HECW1: variants seen among roughly 807,000 people sequenced by gnomAD.
The protein encoded by HECW1 is E3 ubiquitin-protein ligase HECW1.
In HECW1, 61 loss-of-function variants were observed where a neutral mutation model predicts 182.3. That is an observed-to-expected ratio of 0.33 (90% CI 0.27 to 0.41). The LOEUF (loss-of-function observed/expected upper bound fraction) is 0.41, where lower values mean the gene tolerates loss of function less well. Ranked by LOEUF, HECW1 falls within the 10% of genes least tolerant of loss-of-function variation. The pLI is 1.00. For synonymous variants in HECW1, 859 were observed against 832.6 expected, an observed-to-expected ratio of 1.03 and a Z score of -0.55; for missense variants, 1,739 against 2,108.9, an observed-to-expected ratio of 0.82 and a Z score of 3.44.
At chr7:43,147,773 G>A (rs1332698908) in intron 2 of HECW1, among the ~76,000 whole-genome samples, 6 of 152,134 alleles carry the variant, frequency 3.9e-5, no homozygotes, top group Non-Finnish European at 7.3e-5. Context: ...CGAAGGGACT[G>A]GCCATTGGCC....
At chr7:43,344,229 G>A (rs1430337492) in intron 5 of HECW1, among the ~76,000 whole-genome samples, 1 of 151,770 alleles carries the variant, frequency 6.6e-6, no homozygotes, top group East Asian at 1.9e-4. Context: ...TCTGATGGTA[G>A]TTTCTTTTGC....
intron 2 of HECW1, among the ~76,000 whole-genome samples, chr7:43,165,535 A>C (rs1791023769): frequency 6.6e-6 from 1 of 152,172 alleles, no homozygotes; most frequent in Non-Finnish European, 1.5e-5. Flanking sequence ...TGTGGAGTTT[A>C]GATAGATTTG....
chr7:43,141,595 T>C (rs1788161518), intron 2 of HECW1, among the ~76,000 whole-genome samples: 1 of 151,796 alleles, frequency 6.6e-6, no homozygotes, highest in South Asian at 2.1e-4. Flanking sequence ...GCCTCCTGGG[T>C]TCAAGCAGTT....
intron 3 of HECW1, among the ~76,000 whole-genome samples, chr7:43,273,974 C>T (rs1356312116): frequency 6.6e-6 from 1 of 152,028 alleles, no homozygotes; most frequent in Middle Eastern, 3.2e-3. Flanking sequence ...ACCTCAGCCT[C>T]CTGAATAGCT....
intron 2 of HECW1, among the ~76,000 whole-genome samples, chr7:43,169,605 C>T (rs187038510): frequency 2.0e-5 from 3 of 152,080 alleles, no homozygotes; most frequent in Non-Finnish European, 2.9e-5. Flanking sequence ...GTACTTTGCT[C>T]TTGCCTAAAA....
chr7:43,159,489 TTA>T (rs1308432363), intron 2 of HECW1, among the ~76,000 whole-genome samples: 2 of 152,122 alleles, frequency 1.3e-5, no homozygotes, highest in Non-Finnish European at 2.9e-5. Flanking sequence ...CATTGATATA[TTA>T]GTTTCCTTAA....
chr7:43,401,573 T>TTTG (rs1554400161), intron 7 of HECW1, among the ~76,000 whole-genome samples: 2 of 145,516 alleles, frequency 1.4e-5, no homozygotes, highest in Non-Finnish European at 3.0e-5. Flanking sequence ...AAAGGTTTTT[T>TTTG]TTTTTTTTTT....
intron 2 of HECW1, among the ~76,000 whole-genome samples, chr7:43,232,391 G>A (rs1287426963): frequency 1.3e-5 from 2 of 152,210 alleles, no homozygotes; most frequent in Non-Finnish European, 2.9e-5. Context: ...CAGAAGAAGA[G>A]TAGAAATGGA....
chr7:43,145,720 T>C (rs1047442041), intron 2 of HECW1, among the ~76,000 whole-genome samples: 2 of 152,240 alleles, frequency 1.3e-5, no homozygotes, highest in East Asian at 1.9e-4. Context: ...TCAAACTCTC[T>C]GTTGCCCAAG....
At chr7:43,396,157 C>A (rs1412455143) in intron 6 of HECW1, among the ~76,000 whole-genome samples, 1 of 152,162 alleles carries the variant, frequency 6.6e-6, no homozygotes, top group Non-Finnish European at 1.5e-5. Context: ...AAAACCCTAG[C>A]TATTTTGATT....
In HECW1 at chr7:43,243,895, G is replaced by C. The variant is rs1376722685; in HGVS notation, c.-11G>C. The C allele has an allele frequency of 6.2e-7, 1 of 1,613,454 alleles. No individual in the cohort carries two copies. The highest frequency in any genetic ancestry group is 8.5e-7 in the Non-Finnish European group (1 of 1,179,520). On this transcript the variant is annotated 5_prime_UTR_variant, in exon 3 of 30. Transcript: ENST00000395891. The surrounding 1 kb of genome is among the most constrained non-coding windows in gnomAD (Gnocchi z 4.0). ...CCCAGGAATTGATGCGCGTACACGT[G>C]GTGGGTCATTATGCTGCTGCACCTG...
At chr7:43,469,221 C>G (rs80172675) in intron 16 of HECW1, 116 bp downstream of exon 16, 4 of 1,098,370 alleles carry the variant, frequency 3.6e-6, no homozygotes, top group Middle Eastern at 3.0e-4. Context: ...GATGTGCTAT[C>G]GGCCGCCAGC....
At chr7:43,153,879 G>C (rs1025699532) in intron 2 of HECW1, among the ~76,000 whole-genome samples, 70 of 152,278 alleles carry the variant, frequency 4.6e-4, no homozygotes, top group African/African-American at 1.7e-3. Context: ...GGCACTTCTA[G>C]GTACATGCCT....
intron 2 of HECW1, among the ~76,000 whole-genome samples, chr7:43,176,270 A>C (rs1583827181): frequency 6.6e-6 from 1 of 152,208 alleles, no homozygotes; most frequent in East Asian, 1.9e-4. Context: ...TATTTTTTTC[A>C]GAAAGCAGAA....
At chr7:43,478,709 G>A (rs770854410) in intron 16 of HECW1, among the ~76,000 whole-genome samples, 2 of 151,598 alleles carry the variant, frequency 1.3e-5, no homozygotes, top group Non-Finnish European at 1.5e-5. Context: ...TTTTGATTTG[G>A]GGTGATTTTT....
intron 5 of HECW1, among the ~76,000 whole-genome samples, chr7:43,330,734 G>C (rs1008767078): frequency 6.6e-6 from 1 of 152,206 alleles, no homozygotes; most frequent in South Asian, 2.1e-4. Flanking sequence ...GAAAGGTATA[G>C]AGTGACTGGT....
chr7:43,401,630 G>A (rs1350881723), intron 7 of HECW1, among the ~76,000 whole-genome samples: 1 of 135,456 alleles, frequency 7.4e-6, no homozygotes, highest in African/African-American at 2.8e-5. Flanking sequence ...GAAAATGCAT[G>A]ATACGTACAA....
chr7:43,533,197 C>T (rs1436265268), intron 24 of HECW1, among the ~76,000 whole-genome samples: 3 of 152,046 alleles, frequency 2.0e-5, no homozygotes, highest in African/African-American at 7.3e-5. Context: ...AGAAAGCAAA[C>T]ATCAACAGTG....
At chr7:43,252,963 A>G (rs1220595127) in intron 3 of HECW1, among the ~76,000 whole-genome samples, 1 of 152,218 alleles carries the variant, frequency 6.6e-6, no homozygotes, top group Non-Finnish European at 1.5e-5. Flanking sequence ...AACCTTGGTT[A>G]GAGTTCAACT....
Sources: allele counts gnomAD v4.1 joint callset (sites outside exome capture counted in the v4.1 genomes callset), GRCh38; gene constraint gnomAD v4.1.1; non-coding constraint Gnocchi (gnomAD v3.1); transcripts MANE v1.5; gene names NCBI Gene and HGNC (gene_info 2026-07-23, HGNC 2026-07-21).